Variants in CHD6 observed in about 807,000 individuals in gnomAD.
The protein encoded by CHD6 is ATP-dependent chromatin remodeler CHD6.
CHD6 carries 50 observed loss-of-function variants against 276.9 expected under a neutral mutation model. The ratio of observed to expected loss-of-function variants is 0.18; its 90% CI spans 0.14 to 0.23. The LOEUF is 0.23. Among genes scored for constraint, CHD6 ranks in the 10% least tolerant of loss-of-function variants. The pLI, the probability that CHD6 is intolerant of heterozygous loss-of-function variation, is 1.00. For missense variants in CHD6, 2,564 were observed against 3,365.8 expected (o/e 0.76, Z 5.89); for synonymous variants, 1,173 against 1,229.3 (o/e 0.95, Z 0.96).
intron 1 of CHD6, among the ~76,000 whole-genome samples, chr20:41,584,852 A>C (rs2045577172): frequency 6.6e-6 from 1 of 152,206 alleles, no homozygotes; most frequent in Non-Finnish European, 1.5e-5. Context: ...TTAGGGAAGA[A>C]GAAAGACCTC....
intron 36 of CHD6, among the ~76,000 whole-genome samples, chr20:41,409,392 A>C (rs1432787720): frequency 2.6e-5 from 4 of 152,218 alleles, no homozygotes; most frequent in Non-Finnish European, 4.4e-5. Context: ...GAGCTTCCTT[A>C]TGTTCAAGCA....
chr20:41,443,540 C>A (rs1399496245), intron 25 of CHD6, among the ~76,000 whole-genome samples: 1 of 152,196 alleles, frequency 6.6e-6, no homozygotes, highest in African/African-American at 2.4e-5. Context: ...TTTTGCCTCA[C>A]AGACTGTGTG....
chr20:41,492,364 T>C (rs2043576023), intron 10 of CHD6, among the ~76,000 whole-genome samples: 1 of 152,204 alleles, frequency 6.6e-6, no homozygotes, highest in Non-Finnish European at 1.5e-5. Context: ...GTTCTGCATC[T>C]CGAGACACCT....
chr20:41,511,508 T>C (rs994523824), intron 5 of CHD6, among the ~76,000 whole-genome samples: 1 of 152,202 alleles, frequency 6.6e-6, no homozygotes, highest in Non-Finnish European at 1.5e-5. Flanking sequence ...CTGCTGTCAA[T>C]GGAAACTGCT....
intron 4 of CHD6, 44 bp downstream of exon 4, chr20:41,514,761 C>G: frequency 6.2e-7 from 1 of 1,605,646 alleles, no homozygotes; most frequent in Non-Finnish European, 8.5e-7. Flanking sequence ...CAGATCCCAT[C>G]CAGGAGCCGT....
intron 28 of CHD6, 148 bp downstream of exon 28, chr20:41,425,945 G>A (rs2047349173): frequency 1.5e-6 from 1 of 686,946 alleles, no homozygotes; most frequent in Admixed American, 2.1e-5. Flanking sequence ...CTCCATGTGT[G>A]ACTCTAGGGG....
At chr20:41,488,692 A>C (rs1180421126) in intron 12 of CHD6, 88 bp from the exon 13 acceptor site, 1 of 1,139,930 alleles carries the variant, frequency 8.8e-7, no homozygotes, top group Non-Finnish European at 1.2e-6. Context: ...GCAGCACTAC[A>C]GATGCTGGGG....
At chr20:41,495,999 C>T (rs928128222) in intron 8 of CHD6, among the ~76,000 whole-genome samples, 9 of 152,202 alleles carry the variant, frequency 5.9e-5, no homozygotes, top group Non-Finnish European at 1.3e-4. Context: ...GCCCCATTCC[C>T]ACCATGACAG....
At chr20:41,498,566 C>G (rs193273735) in intron 6 of CHD6, among the ~76,000 whole-genome samples, 1 of 152,148 alleles carries the variant, frequency 6.6e-6, no homozygotes, top group African/African-American at 2.4e-5. Context: ...ACCCCACTAA[C>G]GCTTCACTTC....
At chr20:41,429,615 T>A (rs2047471586) in intron 27 of CHD6, among the ~76,000 whole-genome samples, 1 of 152,138 alleles carries the variant, frequency 6.6e-6, no homozygotes, top group Non-Finnish European at 1.5e-5. Context: ...GAAATTAAGG[T>A]CATGAGCTGG....
chr20:41,456,781 G>A (rs954966268), intron 18 of CHD6, among the ~76,000 whole-genome samples: 2 of 152,118 alleles, frequency 1.3e-5, no homozygotes, highest in African/African-American at 4.8e-5. Flanking sequence ...CCCCCAAAGG[G>A]GGAAAAATAT....
chr20:41,592,098 C>CAAAAAA (rs1467786502), intron 1 of CHD6, among the ~76,000 whole-genome samples: 10 of 151,800 alleles, frequency 6.6e-5, no homozygotes, highest in African/African-American at 2.4e-4. Flanking sequence ...GACTCTGTAT[C>CAAAAAA]AAACAAACAA....
intron 34 of CHD6, chr20:41,414,820 AC>A: frequency 1.8e-6 from 2 of 1,141,738 alleles, no homozygotes; most frequent in African/African-American, 1.6e-5. Flanking sequence ...TTTCTCCCAT[AC>A]CCCAGTCTTG....
intron 1 of CHD6, among the ~76,000 whole-genome samples, chr20:41,610,384 T>C (rs1019232505): frequency 1.2e-4 from 18 of 152,142 alleles, no homozygotes; most frequent in Non-Finnish European, 2.4e-4. Context: ...TTAAACATAT[T>C]GGAAAGGGAG....
chr20:41,483,041 A>C (rs1353594428), intron 16 of CHD6, among the ~76,000 whole-genome samples: 1 of 152,172 alleles, frequency 6.6e-6, no homozygotes, highest in Non-Finnish European at 1.5e-5. Flanking sequence ...CTCCAACTAA[A>C]GTGAATATAA....
intron 1 of CHD6, among the ~76,000 whole-genome samples, chr20:41,611,857 T>G (rs1443937504): frequency 6.6e-6 from 1 of 152,154 alleles, no homozygotes; most frequent in Non-Finnish European, 1.5e-5. Context: ...AAGCTGGTCT[T>G]GAATTCCTGA....
rs1214807070 is a variant in CHD6 at position 41,403,567 on chromosome 20, C to T, written c.*1026G>A. ...TAGCTGTATTATAAAGGGTGGCACA[C>T]ATTTGACAGCCTCAGACACTCTTGA... On this transcript the variant is annotated 3_prime_UTR_variant, in exon 37 of 37. Coordinates refer to ENST00000373233, the MANE Select transcript of CHD6 (RefSeq NM_032221.5). The T allele has an allele frequency of 9.4e-7, 1 of 1,063,546 alleles. No individual in the cohort carries two copies. The highest frequency in any genetic ancestry group is 1.1e-6 in the Non-Finnish European group (1 of 878,208). The allele number at this position is 1,063,546 out of a possible 1,614,324, so 65.9% of individuals were successfully genotyped here.
At chr20:41,506,454 T>C (rs1008451717) in intron 5 of CHD6, among the ~76,000 whole-genome samples, 1 of 152,148 alleles carries the variant, frequency 6.6e-6, no homozygotes. Flanking sequence ...TCTTCTGCCC[T>C]GCACAACTCC....
rs777906995 is a variant in CHD6 at position 41,420,876 on chromosome 20, G to T, written c.5759C>A (p.Ala1920Glu). 1.2e-6 allele frequency: 2 copies of T among 1,614,164 alleles called. No individual in the cohort carries two copies. The highest frequency in any genetic ancestry group is 2.7e-5 in the African/African-American group (2 of 75,046). ...CCTCTGTAGCCCAGGAGTCTGGTTTGCCACCTCTAAGCTTCCTTTCTTGGT... is the reference window on the plus strand; with the variant it reads ...CCTCTGTAGCCCAGGAGTCTGGTTTTCCACCTCTAAGCTTCCTTTCTTGGT... ...DETKKGSLEVANQTPGLQRAF... is the reference protein window; with the variant it reads ...DETKKGSLEVENQTPGLQRAF... Residue 1920 changes from alanine to glutamate, a missense_variant, in exon 31 of 37, where the codon GCA becomes GAA. Transcript: ENST00000373233.
Sources: allele counts gnomAD v4.1 joint callset (sites outside exome capture counted in the v4.1 genomes callset), GRCh38; gene constraint gnomAD v4.1.1; transcripts MANE v1.5; gene names NCBI Gene and HGNC (gene_info 2026-07-23, HGNC 2026-07-21).